Variants in HADHB observed in about 807,000 individuals in gnomAD.
HADHB encodes the protein hydroxyacyl-CoA dehydrogenase trifunctional multienzyme complex subunit beta.
Under a neutral mutation model 61.9 loss-of-function variants are expected in HADHB, and 50 were observed. The ratio of observed to expected loss-of-function variants is 0.81; its 90% CI spans 0.64 to 1.02. The LOEUF is 1.02. Ranked by LOEUF, HADHB falls within the 50% of genes least tolerant of loss-of-function variation. HADHB has a pLI of 0.00. For synonymous variants in HADHB, 191 were observed against 201.6 expected (o/e 0.95, Z 0.45); for missense variants, 504 against 586.5 (o/e 0.86, Z 1.45).
intron 8 of HADHB, 93 bp from the exon 9 acceptor site, chr2:26,279,018 GATTGATTAATGGTAGACAAATAGA>G: frequency 1.0e-6 from 1 of 979,484 alleles, no homozygotes; most frequent in Admixed American, 1.7e-5. Flanking sequence ...TCTTGGACTT[GATTGATTAATGGTAGACAAATAGA>G]TTTTAACTTT....
intron 1 of HADHB, among the ~76,000 whole-genome samples, chr2:26,250,248 C>T (rs1199170732): frequency 6.6e-6 from 1 of 152,180 alleles, no homozygotes; most frequent in African/African-American, 2.4e-5. Flanking sequence ...AGGTGATCCA[C>T]CTGCCTGGGC....
At chr2:26,285,695 G>T in intron 15 of HADHB, 124 bp downstream of exon 15, 4 of 511,164 alleles carry the variant, frequency 7.8e-6, no homozygotes, top group Non-Finnish European at 1.5e-5. Context: ...GGGGAGTGGG[G>T]AGGGATAACA....
intron 3 of HADHB, among the ~76,000 whole-genome samples, chr2:26,257,104 G>C (rs1418769801): frequency 6.6e-6 from 1 of 151,304 alleles, no homozygotes; most frequent in Non-Finnish European, 1.5e-5. Context: ...AAGGCTAAGA[G>C]CTCCCCTTCT....
chr2:26,276,002 G>GGGT (rs1672520795), intron 6 of HADHB, among the ~76,000 whole-genome samples: 1 of 152,086 alleles, frequency 6.6e-6, no homozygotes, highest in East Asian at 1.9e-4. Flanking sequence ...AATATTGTGT[G>GGGT]GGTGTGTATG....
At chr2:26,288,104 C>T (rs112830114) in intron 15 of HADHB, among the ~76,000 whole-genome samples, 3,419 of 151,370 alleles carry the variant, frequency 0.023, 138 homozygotes, top group African/African-American at 0.076. Flanking sequence ...TCGTCTCTAC[C>T]AAAAATACAA....
chr2:26,285,893 A>ATGTCCAG (rs1277162312), intron 15 of HADHB, among the ~76,000 whole-genome samples: 2 of 151,704 alleles, frequency 1.3e-5, no homozygotes, highest in East Asian at 3.9e-4. Flanking sequence ...GTGCACCACC[A>ATGTCCAG]TGTCCAGTTA....
At chr2:26,269,801 C>G in intron 4 of HADHB, 152 bp from the exon 5 acceptor site, 1 of 693,688 alleles carries the variant, frequency 1.4e-6, no homozygotes, top group Admixed American at 2.2e-5. Flanking sequence ...CACACTATTT[C>G]TTCATTTGAA....
chr2:26,289,572 A>G (rs1482675798), intron 15 of HADHB, among the ~76,000 whole-genome samples: 1 of 152,212 alleles, frequency 6.6e-6, no homozygotes, highest in African/African-American at 2.4e-5. Context: ...GAGCATCACT[A>G]GGAATTAGAT....
rs146606121 is a variant in HADHB, at chr2:26,265,041, G to A, written c.209+1562G>A. 3.2e-3 allele frequency among the ~76,000 whole-genome samples: 480 copies of A among 151,538 alleles called. 4 individuals carry two copies. Among genetic ancestry groups the A allele is most frequent in the African/African-American group, 0.011 (451 of 41,374 alleles). ...AATGCTATAAGTAAATGGTAGTGAC[G>A]TTTCTTTATTCATCCTATTTTATCA... On this transcript the variant is annotated intron_variant, in intron 4 of 15. Coordinates refer to ENST00000317799, the MANE Select transcript of HADHB (RefSeq NM_000183.3).
intron 3 of HADHB, among the ~76,000 whole-genome samples, chr2:26,256,539 A>G (rs897016782): frequency 6.6e-6 from 1 of 152,022 alleles, no homozygotes; most frequent in African/African-American, 2.4e-5. Flanking sequence ...ATATATATAT[A>G]TATATATACA....
At chr2:26,254,615 A>G in intron 3 of HADHB, 141 bp downstream of exon 3, 1 of 645,100 alleles carries the variant, frequency 1.6e-6, no homozygotes. Flanking sequence ...TGTTGCCTTC[A>G]AATTAAAAAA....
At chr2:26,266,251 T>G (rs761588992) in intron 4 of HADHB, among the ~76,000 whole-genome samples, 3 of 151,964 alleles carry the variant, frequency 2.0e-5, no homozygotes, top group Non-Finnish European at 4.4e-5. Context: ...CACTTCAACC[T>G]GGGTGACAGA....
Position 26,284,869 on chromosome 2 carries a change from A to AT in HADHB, c.1150-10dup. On this transcript the variant is annotated splice_polypyrimidine_tract_variant and intron_variant, in intron 13 of 15. Transcript: ENST00000317799. ...TGAATAACGAGGTTCTTATTCGATT[A>AT]TTTTCTCTTCCAGGGTCAGATTTTG... The AT allele has an allele frequency of 7.0e-7, 1 of 1,421,550 alleles. No individual in the cohort carries two copies. Among genetic ancestry groups the AT allele is most frequent in the Non-Finnish European group, 1.0e-6 (1 of 1,004,386 alleles). 88.1% of individuals were successfully genotyped at this position (1,421,550 alleles called of 1,614,324 possible).
chr2:26,246,398 A>G (rs935355701), intron 1 of HADHB, among the ~76,000 whole-genome samples: 5 of 149,948 alleles, frequency 3.3e-5, no homozygotes, highest in Admixed American at 6.7e-5. Context: ...GCTGGAGTGC[A>G]GTGGCGCGAT....
chr2:26,261,100 T>C (rs988144217), intron 3 of HADHB: 138 of 1,026,358 alleles, frequency 1.3e-4, no homozygotes, highest in Non-Finnish European at 1.9e-4. Context: ...AATCAGCTTT[T>C]ATATTGACTT....
intron 6 of HADHB, among the ~76,000 whole-genome samples, chr2:26,276,303 AT>A (rs1275324855): frequency 6.6e-6 from 1 of 152,232 alleles, no homozygotes; most frequent in Non-Finnish European, 1.5e-5. Context: ...TTCTCTTTGT[AT>A]CACGTATTAT....
intron 3 of HADHB, among the ~76,000 whole-genome samples, chr2:26,258,526 A>T (rs1214995386): frequency 1.3e-5 from 2 of 152,186 alleles, no homozygotes; most frequent in African/African-American, 4.8e-5. Context: ...TCAGAAACGC[A>T]GCGGACACCC....
intron 4 of HADHB, among the ~76,000 whole-genome samples, chr2:26,266,871 CAAAA>C (rs56401595): frequency 3.3e-4 from 15 of 45,420 alleles, no homozygotes; most frequent in Non-Finnish European, 4.1e-4. Flanking sequence ...CACTCTCTCT[CAAAA>C]AAAAAAAAAA....
chr2:26,285,597 C>A, intron 15 of HADHB, 26 bp downstream of exon 15: 1 of 1,590,740 alleles, frequency 6.3e-7, no homozygotes, highest in Non-Finnish European at 8.6e-7. Flanking sequence ...GTCATAGGAC[C>A]CTCCAGAGAG....
Sources: allele counts gnomAD v4.1 joint callset (sites outside exome capture counted in the v4.1 genomes callset), GRCh38; gene constraint gnomAD v4.1.1; transcripts MANE v1.5; gene names NCBI Gene and HGNC (gene_info 2026-07-23, HGNC 2026-07-21).